Variants in DDX19B observed in about 807,000 individuals in gnomAD.
DDX19B encodes DEAD-box helicase 19B, also known as ATP-dependent RNA helicase DDX19B.
Under a neutral mutation model 58.1 loss-of-function variants are expected in DDX19B, and 27 were observed. The observed-to-expected ratio is 0.46, with a 90% CI of 0.34 to 0.64. The LOEUF (loss-of-function observed/expected upper bound fraction) is 0.64, where lower values mean the gene tolerates loss of function less well. Among genes scored for constraint, DDX19B ranks in the 30% least tolerant of loss-of-function variants. The probability of loss-of-function intolerance (pLI) is 0.01; values close to 1 mark genes in which losing one functional copy is unlikely to be tolerated. For synonymous variants in DDX19B, 187 were observed against 214.4 expected (o/e 0.87, Z 1.12); for missense variants, 399 against 596.5 (o/e 0.67, Z 3.45).
chr16:70,293,143 G>A (rs1010271355), upstream of DDX19B, among the ~76,000 whole-genome samples: 6 of 151,842 alleles, frequency 4.0e-5, no homozygotes, highest in African/African-American at 7.3e-5. Flanking sequence ...ACAGGCCGGC[G>A]TGATGGCGTA....
chr16:70,304,372 CTTTT>C (rs1055145154), intron 1 of DDX19B, among the ~76,000 whole-genome samples: 4 of 128,882 alleles, frequency 3.1e-5, no homozygotes, highest in African/African-American at 5.7e-5. Context: ...ACAGAGATGT[CTTTT>C]TTTTTTTTTT....
chr16:70,324,101 G>A (rs1157984448), intron 5 of DDX19B, among the ~76,000 whole-genome samples: 1 of 152,062 alleles, frequency 6.6e-6, no homozygotes, highest in African/African-American at 2.4e-5. Context: ...AGATCATGCA[G>A]GACCTGTATG....
chr16:70,293,247 C>T (rs1961105243), upstream of DDX19B, among the ~76,000 whole-genome samples: 1 of 151,606 alleles, frequency 6.6e-6, no homozygotes, highest in South Asian at 2.1e-4. Flanking sequence ...CAAAACTCAA[C>T]CTCTACAAAA....
chr16:70,317,271 T>G, intron 4 of DDX19B: 1 of 299,430 alleles, frequency 3.3e-6, no homozygotes, highest in Non-Finnish European at 6.2e-6. Context: ...ATCCCAGCTA[T>G]TCGCGAGGCT....
chr16:70,310,495 T>A (rs952231189), intron 1 of DDX19B, among the ~76,000 whole-genome samples: 1 of 152,082 alleles, frequency 6.6e-6, no homozygotes, highest in Non-Finnish European at 1.5e-5. Context: ...TGAGCCATGA[T>A]CATGCCACTG....
chr16:70,306,912 TCTA>T (rs1961786402), intron 1 of DDX19B, among the ~76,000 whole-genome samples: 2 of 152,226 alleles, frequency 1.3e-5, no homozygotes, highest in African/African-American at 4.8e-5. Flanking sequence ...CAATCACTAA[TCTA>T]CTTTCTGTCT....
At chr16:70,321,528 CAG>C (rs543938119) in intron 5 of DDX19B, among the ~76,000 whole-genome samples, 113 of 152,310 alleles carry the variant, frequency 7.4e-4, no homozygotes, top group Non-Finnish European at 1.3e-3. Flanking sequence ...TGTTATATAA[CAG>C]ATACTATGCT....
upstream of DDX19B, among the ~76,000 whole-genome samples, chr16:70,292,836 T>C (rs1961095548): frequency 6.6e-6 from 1 of 152,036 alleles, no homozygotes; most frequent in Non-Finnish European, 1.5e-5. Context: ...CCAGGCACAG[T>C]GGCTCATGCC....
chr16:70,320,257 T>G (rs1386583084), intron 5 of DDX19B, among the ~76,000 whole-genome samples: 3 of 150,994 alleles, frequency 2.0e-5, no homozygotes, highest in Non-Finnish European at 4.4e-5. Context: ...TACAGGCACG[T>G]GCTGCCATGC....
At position 70,310,954 on chromosome 16, in the gene DDX19B, C is replaced by T. The variant is rs1433941110; in HGVS notation, c.58-1655C>T. 7.3e-5 allele frequency among the ~76,000 whole-genome samples: 11 copies of T among 151,180 alleles called. No individual in the cohort carries two copies. In the East Asian group the frequency reaches 1.6e-3, roughly 21 times the overall value. ...GCTGAGGCAGGAGAATGGCATGAAC[C>T]CGGGAGGCGGAGCTTACAGTGAGCT... On this transcript the variant is annotated intron_variant, in intron 1 of 11. Coordinates refer to ENST00000288071, the MANE Select transcript of DDX19B (RefSeq NM_007242.7).
intron 8 of DDX19B, 124 bp from the exon 9 acceptor site, chr16:70,329,707 C>T (rs1963378682): frequency 7.3e-7 from 1 of 1,375,058 alleles, no homozygotes; most frequent in African/African-American, 1.4e-5. Flanking sequence ...TGCTGCTCCT[C>T]CTCCCCAAGA....
In DDX19B at chr16:70,325,680, G is replaced by T; in HGVS notation, c.599G>T (p.Gly200Val). 1 of 1,609,550 alleles carries T rather than the reference G, an allele frequency of 6.2e-7. No homozygotes were observed. The highest frequency in any genetic ancestry group is 2.2e-5 in the East Asian group (1 of 44,828). Residue 200 changes from glycine to valine, a missense_variant, in exon 7 of 12, where the codon GGC becomes GTC. Around this residue, in one of 4 missense-constraint regions of DDX19B, gnomAD observed 67 missense variants for 74.3 expected, o/e 0.90. Transcript: ENST00000288071. ...PELKLAYAVRGNKLERGQKIS... is the reference protein window; with the variant it reads ...PELKLAYAVRVNKLERGQKIS... ...CTGAAGCTAGCTTATGCTGTTCGAG[G>T]CAATAAATGTGAGTATGTGAATTTG... is the stretch of plus-strand genomic sequence containing the variant.
chr16:70,296,036 G>A (rs1266113750), upstream of DDX19B, among the ~76,000 whole-genome samples: 3 of 141,870 alleles, frequency 2.1e-5, no homozygotes, highest in South Asian at 2.2e-4. Flanking sequence ...ACAGAGGCTC[G>A]CTCTGTTGCC....
At chr16:70,317,207 CAAAAA>C (rs562635193) in intron 4 of DDX19B, 37 of 54,516 alleles carry the variant, frequency 6.8e-4, no homozygotes, top group Admixed American at 1.7e-3. Context: ...GACTCTGTCT[CAAAAA>C]AAAAAAAAAA....
chr16:70,326,971 A>G (rs1211057291), intron 7 of DDX19B, among the ~76,000 whole-genome samples: 1 of 151,648 alleles, frequency 6.6e-6, no homozygotes, highest in Non-Finnish European at 1.5e-5. Context: ...AGTAGCTGGG[A>G]CTACAGGCGC....
chr16:70,323,626 G>T (rs915646997), intron 5 of DDX19B, among the ~76,000 whole-genome samples: 2 of 150,444 alleles, frequency 1.3e-5, no homozygotes, highest in Non-Finnish European at 3.0e-5. Flanking sequence ...GTTTTACCAT[G>T]TTGGCCAGGC....
chr16:70,315,341 C>T (rs895728893), intron 3 of DDX19B, among the ~76,000 whole-genome samples: 2 of 146,756 alleles, frequency 1.4e-5, no homozygotes, highest in African/African-American at 5.1e-5. Flanking sequence ...GAGCCGAGAT[C>T]GAGCCACTGC....
At chr16:70,308,854 T>G (rs1032077968) in intron 1 of DDX19B, among the ~76,000 whole-genome samples, 2 of 151,696 alleles carry the variant, frequency 1.3e-5, no homozygotes, top group African/African-American at 4.8e-5. Context: ...GTGCAGGATG[T>G]GCATGTTTGT....
At chr16:70,314,692 C>CTA (rs1172732402) in intron 2 of DDX19B, 6 of 225,404 alleles carry the variant, frequency 2.7e-5, no homozygotes, top group South Asian at 6.5e-5. Flanking sequence ...AAATAAATAT[C>CTA]TATCTATATA....
Sources: allele counts gnomAD v4.1 joint callset (sites outside exome capture counted in the v4.1 genomes callset), GRCh38; gene constraint gnomAD v4.1.1; regional missense constraint gnomAD v4.1.1; transcripts MANE v1.5; gene names NCBI Gene and HGNC (gene_info 2026-07-23, HGNC 2026-07-21).